Variants in SLC4A10 observed in about 807,000 individuals in gnomAD.
SLC4A10 encodes solute carrier family 4 member 10, also known as sodium-driven chloride bicarbonate exchanger.
In SLC4A10, 42 loss-of-function variants were observed where a neutral mutation model predicts 137.7. The observed-to-expected ratio is 0.30, with a 90% CI of 0.24 to 0.39. The LOEUF is 0.39. SLC4A10 is among the 10% of genes least tolerant of loss of function. The pLI, the probability that SLC4A10 is intolerant of heterozygous loss-of-function variation, is 1.00. For synonymous variants in SLC4A10, 474 were observed against 464.1 expected, an observed-to-expected ratio of 1.02 and a Z score of -0.27; for missense variants, 925 against 1,355.0, an observed-to-expected ratio of 0.68 and a Z score of 4.98.
chr2:161,875,669 C>T, intron 8 of SLC4A10, among the ~76,000 whole-genome samples: 1 of 152,156 alleles, frequency 6.6e-6, no homozygotes, highest in Non-Finnish European at 1.5e-5. Context: ...CTTCAAATGA[C>T]CCAGAGATGG....
At chr2:161,909,486 G>T (rs532722353) in intron 15 of SLC4A10, among the ~76,000 whole-genome samples, 2 of 152,278 alleles carry the variant, frequency 1.3e-5, no homozygotes, top group East Asian at 3.9e-4. Flanking sequence ...ATCCTTATGG[G>T]CATGAGGTTT....
intron 15 of SLC4A10, among the ~76,000 whole-genome samples, chr2:161,919,827 G>A (rs969060834): frequency 1.3e-5 from 2 of 152,172 alleles, no homozygotes; most frequent in Admixed American, 1.3e-4. Context: ...GACAGAAAGA[G>A]GGAAGAGCTG....
rs562140207 is a variant in SLC4A10 at position 161,789,704 on chromosome 2, C to T, written c.131-14745C>T. Among the ~76,000 whole-genome samples, 19 of 152,066 alleles carry T rather than the reference C, an allele frequency of 1.2e-4. No homozygotes were observed. The East Asian group carries it at 1.9e-3, about 15-fold the overall frequency. ...ATGTATGACTGTACATAACAAATTG[C>T]GAATAGAATTAGAAAGTGCTTTCTA... On this transcript the variant is annotated intron_variant, in intron 2 of 26. Transcript: ENST00000446997.
intron 1 of SLC4A10, among the ~76,000 whole-genome samples, chr2:161,726,825 A>G (rs528940812): frequency 3.3e-5 from 5 of 152,296 alleles, no homozygotes; most frequent in African/African-American, 1.2e-4. Context: ...AGGAGAATCA[A>G]TTGAACCTAG....
intron 1 of SLC4A10, among the ~76,000 whole-genome samples, chr2:161,662,971 C>T (rs1558975781): frequency 6.6e-6 from 1 of 152,168 alleles, no homozygotes. Flanking sequence ...AGACGTGGAC[C>T]TGGCAGTTTT....
chr2:161,902,220 C>T (rs1284133888), intron 12 of SLC4A10: 1 of 395,386 alleles, frequency 2.5e-6, no homozygotes, highest in East Asian at 7.4e-5. Flanking sequence ...ACATTTATTA[C>T]ACAGTACTAT....
At chr2:161,767,126 T>TGTG in intron 1 of SLC4A10, among the ~76,000 whole-genome samples, 1 of 115,122 alleles carries the variant, frequency 8.7e-6, no homozygotes, top group African/African-American at 3.2e-5. Flanking sequence ...TATATATATA[T>TGTG]ATATATATAT....
intron 3 of SLC4A10, among the ~76,000 whole-genome samples, chr2:161,805,846 G>A (rs564879433): frequency 1.6e-3 from 247 of 152,314 alleles, no homozygotes; most frequent in African/African-American, 5.8e-3. Context: ...CAGTCAGGAG[G>A]ACAGTGGCCC....
At chr2:161,828,795 TATATATATATATATG>T (rs2058215038) in intron 3 of SLC4A10, among the ~76,000 whole-genome samples, 2 of 123,158 alleles carry the variant, frequency 1.6e-5, no homozygotes, top group African/African-American at 6.1e-5. Flanking sequence ...TATATATATA[TATATATATATATATG>T]TATAATCTAC....
At chr2:161,925,145 T>C (rs1046865382) in intron 15 of SLC4A10, among the ~76,000 whole-genome samples, 1 of 152,174 alleles carries the variant, frequency 6.6e-6, no homozygotes, top group Non-Finnish European at 1.5e-5. Context: ...CAGCATACAA[T>C]AGCTAAAAGA....
At chr2:161,845,616 A>T (rs1234574264) in intron 4 of SLC4A10, among the ~76,000 whole-genome samples, 1 of 152,156 alleles carries the variant, frequency 6.6e-6, no homozygotes, top group African/African-American at 2.4e-5. Flanking sequence ...TGGATTTTTT[A>T]AAATGTCATT....
chr2:161,748,591 G>A (rs1667603040), intron 1 of SLC4A10, among the ~76,000 whole-genome samples: 2 of 152,094 alleles, frequency 1.3e-5, no homozygotes, highest in South Asian at 4.1e-4. Flanking sequence ...AGTTGAATGT[G>A]TATGTCTGGG....
At chr2:161,783,081 G>A (rs1278478442) in intron 2 of SLC4A10, among the ~76,000 whole-genome samples, 2 of 151,886 alleles carry the variant, frequency 1.3e-5, no homozygotes, top group Non-Finnish European at 2.9e-5. Flanking sequence ...AAAGCAACAA[G>A]GGAAAAGTTA....
chr2:161,859,624 G>A (rs1220107713), intron 5 of SLC4A10, among the ~76,000 whole-genome samples: 1 of 105,598 alleles, frequency 9.5e-6, no homozygotes, highest in Non-Finnish European at 1.9e-5. Context: ...TTTTTGAGGC[G>A]GAGTCTTGCT....
chr2:161,680,681 A>G (rs992125001), intron 1 of SLC4A10, among the ~76,000 whole-genome samples: 12 of 152,126 alleles, frequency 7.9e-5, no homozygotes, highest in Admixed American at 1.3e-4. Flanking sequence ...TTTATTATTT[A>G]TTGATTTATT....
chr2:161,741,279 A>G (rs912567985), intron 1 of SLC4A10, among the ~76,000 whole-genome samples: 1 of 144,612 alleles, frequency 6.9e-6, no homozygotes, highest in Non-Finnish European at 1.5e-5. Flanking sequence ...AAAAAAAAGC[A>G]CCTATCCACT....
At chr2:161,765,244 G>A (rs1187819670) in intron 1 of SLC4A10, among the ~76,000 whole-genome samples, 2 of 152,056 alleles carry the variant, frequency 1.3e-5, no homozygotes, top group Non-Finnish European at 2.9e-5. Flanking sequence ...TTCTCACTAT[G>A]GGTCATGCCC....
intron 1 of SLC4A10, among the ~76,000 whole-genome samples, chr2:161,652,426 TACAC>T (rs931138522): frequency 6.6e-6 from 1 of 151,654 alleles, no homozygotes; most frequent in Non-Finnish European, 1.5e-5. Context: ...AGAAAAGATA[TACAC>T]ACACACACAC....
intron 4 of SLC4A10, among the ~76,000 whole-genome samples, chr2:161,851,097 G>A (rs975102662): frequency 6.6e-6 from 1 of 152,032 alleles, no homozygotes; most frequent in African/African-American, 2.4e-5. Context: ...TTTTGGTTTT[G>A]TAAAATTTGT....
Sources: allele counts gnomAD v4.1 joint callset (sites outside exome capture counted in the v4.1 genomes callset), GRCh38; gene constraint gnomAD v4.1.1; transcripts MANE v1.5; gene names NCBI Gene and HGNC (gene_info 2026-07-23, HGNC 2026-07-21).